GPHN: variants seen among roughly 807,000 people sequenced by gnomAD.
The protein encoded by GPHN is gephyrin.
A neutral mutation model predicts 95.5 loss-of-function variants in GPHN; 17 were observed. That is an observed-to-expected ratio of 0.18 (90% CI 0.12 to 0.27). The LOEUF is 0.27. GPHN is among the 10% of genes least tolerant of loss of function. The pLI is 1.00. For missense variants in GPHN, 660 were observed against 978.1 expected (o/e 0.67, Z 4.34); for synonymous variants, 320 against 322.5 (o/e 0.99, Z 0.08).
chr14:67,320,151 G>A, the GPHN span: 1 of 1,326,552 alleles, frequency 7.5e-7, no homozygotes, highest in Non-Finnish European at 1.0e-6. Context: ...TCTAATTTTG[G>A]GTGAAGATCT....
chr14:66,567,017 C>T (rs1037943339), intron 1 of GPHN, among the ~76,000 whole-genome samples: 1 of 152,168 alleles, frequency 6.6e-6, no homozygotes, highest in Non-Finnish European at 1.5e-5. Flanking sequence ...ATGGAGCTAG[C>T]ACTGCTCAGG....
chr14:67,257,547 T>G, the GPHN span, among the ~76,000 whole-genome samples: 2 of 152,006 alleles, frequency 1.3e-5, no homozygotes, highest in African/African-American at 4.8e-5. Context: ...GGGAATGTAC[T>G]ATGAGAGACA....
chr14:66,558,467 A>G (rs1285588578), intron 1 of GPHN, among the ~76,000 whole-genome samples: 1 of 152,088 alleles, frequency 6.6e-6, no homozygotes, highest in Non-Finnish European at 1.5e-5. Flanking sequence ...AAATAATCTG[A>G]TTTTACTATC....
the GPHN span, among the ~76,000 whole-genome samples, chr14:67,602,268 C>CG: frequency 6.6e-6 from 1 of 152,102 alleles, no homozygotes; most frequent in Admixed American, 6.5e-5. Flanking sequence ...ATTTTTAAAC[C>CG]GTCAGATCTC....
chr14:67,271,972 G>A, the GPHN span: 2 of 151,962 alleles, frequency 1.3e-5, no homozygotes, highest in Admixed American at 1.3e-4. Context: ...TCAGGAGGCT[G>A]AGGCAAGAGA....
intron 2 of GPHN, among the ~76,000 whole-genome samples, chr14:66,747,242 C>A (rs1431798429): frequency 2.0e-5 from 3 of 152,074 alleles, no homozygotes; most frequent in Non-Finnish European, 2.9e-5. Flanking sequence ...GGTCTTATTT[C>A]ATCTTACTGG....
the GPHN span, chr14:67,334,301 A>G: frequency 2.6e-5 from 4 of 152,596 alleles, no homozygotes; most frequent in Admixed American, 6.5e-5. Flanking sequence ...AATTCAACGT[A>G]TATAATTGGC....
the GPHN span, among the ~76,000 whole-genome samples, chr14:67,427,573 C>G: frequency 6.6e-6 from 1 of 152,166 alleles, no homozygotes; most frequent in African/African-American, 2.4e-5. Flanking sequence ...CACCGGCTTC[C>G]CACGAGAGCT....
the GPHN span, among the ~76,000 whole-genome samples, chr14:67,612,993 T>A: frequency 6.6e-6 from 1 of 152,048 alleles, no homozygotes; most frequent in African/African-American, 2.4e-5. Flanking sequence ...TTTCTAGGGC[T>A]GCCCTGGTAA....
intron 1 of GPHN, among the ~76,000 whole-genome samples, chr14:66,559,151 G>T (rs1263218842): frequency 1.3e-5 from 2 of 152,006 alleles, no homozygotes; most frequent in Non-Finnish European, 2.9e-5. Flanking sequence ...TTGGACATTT[G>T]GCTTGGTTCC....
rs138023478 is a variant in GPHN at position 66,916,034 on chromosome 14, A to T, written c.421A>T (p.Ile141Leu). The change falls in exon 6 of 23, where the codon ATA becomes TTA. Residue 141 changes from isoleucine (I) to leucine (L), a missense_variant. Transcript: ENST00000478722. Reference protein sequence around the residue: ...PVCGIRGKTLIINLPGSKKGS... With the variant: ...PVCGIRGKTLLINLPGSKKGS... ...ATGTGGAATCAGAGGGAAAACGCTC[A>T]TAATTAACCTGCCAGGTAGCAAGAA... is the stretch of plus-strand genomic sequence containing the variant. The T allele has an allele frequency of 1.2e-5, 20 of 1,604,402 alleles. No individual in the cohort carries two copies. The highest frequency in any genetic ancestry group is 1.7e-5 in the Non-Finnish European group (20 of 1,171,142).
intron 1 of GPHN, among the ~76,000 whole-genome samples, chr14:66,674,703 T>C (rs928206543): frequency 6.6e-6 from 1 of 152,246 alleles, no homozygotes; most frequent in Non-Finnish European, 1.5e-5. Context: ...CATCATTCTC[T>C]TTATCCATTC....
At chr14:67,349,488 C>T in the GPHN span, among the ~76,000 whole-genome samples, 1 of 152,146 alleles carries the variant, frequency 6.6e-6, no homozygotes, top group Non-Finnish European at 1.5e-5. Flanking sequence ...AATTCCTTTA[C>T]CCTGGAAACT....
At chr14:66,548,265 C>G (rs149094086) in intron 1 of GPHN, among the ~76,000 whole-genome samples, 8,859 of 150,332 alleles carry the variant, frequency 0.059, 357 homozygotes, top group Middle Eastern at 0.099. Flanking sequence ...ACTGCAACCT[C>G]TTCCTCCCAG....
the GPHN span, among the ~76,000 whole-genome samples, chr14:67,716,514 G>A: frequency 1.3e-5 from 2 of 152,246 alleles, no homozygotes; most frequent in African/African-American, 2.4e-5. Flanking sequence ...GTGTACACAC[G>A]TGTTTGTGTG....
the GPHN span, among the ~76,000 whole-genome samples, chr14:67,716,362 C>A: frequency 6.6e-6 from 1 of 151,990 alleles, no homozygotes; most frequent in Non-Finnish European, 1.5e-5. Context: ...TTAAGTTGGA[C>A]CTTAAACACA....
At chr14:67,436,299 A>G in the GPHN span, among the ~76,000 whole-genome samples, 1 of 152,202 alleles carries the variant, frequency 6.6e-6, no homozygotes, top group Non-Finnish European at 1.5e-5. Context: ...ACCATGGAGT[A>G]GCTGGGGGAT....
intron 8 of GPHN, among the ~76,000 whole-genome samples, chr14:66,943,878 A>G (rs111948972): frequency 0.015 from 2,302 of 152,286 alleles, 33 homozygotes; most frequent in Non-Finnish European, 0.018. Flanking sequence ...AGCTTCTAAA[A>G]CCTAATAAAC....
the GPHN span, chr14:67,561,869 C>CAAAAA: frequency 1.3e-6 from 1 of 755,736 alleles, no homozygotes; most frequent in Non-Finnish European, 2.0e-6. Flanking sequence ...GACCCTGTCT[C>CAAAAA]AAAAAAAAAA....
Sources: allele counts gnomAD v4.1 joint callset (sites outside exome capture counted in the v4.1 genomes callset), GRCh38; gene constraint gnomAD v4.1.1; transcripts MANE v1.5; gene names NCBI Gene and HGNC (gene_info 2026-07-23, HGNC 2026-07-21).